The following ZDHHC11B variants were observed in gnomAD, a reference collection of about 807,000 sequenced individuals.
ZDHHC11B encodes zDHHC palmitoyltransferase 11B (putative).
In ZDHHC11B, 17 loss-of-function variants were observed where a neutral mutation model predicts 42.3. That is an observed-to-expected ratio of 0.40 (90% CI 0.27 to 0.60). The LOEUF (loss-of-function observed/expected upper bound fraction) is 0.60, where lower values mean the gene tolerates loss of function less well. Among genes scored for constraint, ZDHHC11B ranks in the 20% least tolerant of loss-of-function variants. The pLI is 0.41. For synonymous variants in ZDHHC11B, 123 were observed against 193.5 expected (o/e 0.64, Z 3.02); for missense variants, 262 against 463.2 (o/e 0.57, Z 3.99).
chr5:774,849 GAT>G (rs777579626), intron 1 of ZDHHC11B, among the ~76,000 whole-genome samples: 20 of 152,018 alleles, frequency 1.3e-4, no homozygotes, highest in Middle Eastern at 3.4e-3. Flanking sequence ...CTGTTTTAAA[GAT>G]AGCAGCAGCC....
intron 7 of ZDHHC11B, among the ~76,000 whole-genome samples, chr5:749,533 C>T (rs1484585513): frequency 7.7e-6 from 1 of 129,940 alleles, no homozygotes; most frequent in Non-Finnish European, 1.7e-5. Flanking sequence ...TGCTGCCCCC[C>T]TTAGCCAGTG....
chr5:773,341 G>A (rs1259769053), intron 1 of ZDHHC11B, among the ~76,000 whole-genome samples: 1 of 151,822 alleles, frequency 6.6e-6, no homozygotes, highest in Non-Finnish European at 1.5e-5. Context: ...TCCCCCAGAG[G>A]CTCTGCTCTT....
intron 4 of ZDHHC11B, among the ~76,000 whole-genome samples, chr5:761,475 G>A (rs1734601829): frequency 6.6e-6 from 1 of 151,864 alleles, no homozygotes; most frequent in Non-Finnish European, 1.5e-5. Flanking sequence ...CAGAAGCTGG[G>A]CCAATGGCAG....
chr5:750,098 G>A (rs1745407048), intron 7 of ZDHHC11B, among the ~76,000 whole-genome samples: 2 of 106,574 alleles, frequency 1.9e-5, no homozygotes, highest in Non-Finnish European at 4.1e-5. Flanking sequence ...CACCACCCGG[G>A]CTGTGTGCAG....
At chr5:719,212 TAG>T (rs1352096865) in intron 12 of ZDHHC11B, among the ~76,000 whole-genome samples, 1 of 151,710 alleles carries the variant, frequency 6.6e-6, no homozygotes, top group East Asian at 1.9e-4. Context: ...ACTTGATTTT[TAG>T]AGATACCACA....
At chr5:756,381 C>T (rs1481773671) in intron 4 of ZDHHC11B, among the ~76,000 whole-genome samples, 20 of 151,454 alleles carry the variant, frequency 1.3e-4, no homozygotes, top group African/African-American at 4.4e-4. Context: ...CACCCAGCCC[C>T]GTCCACTCGG....
chr5:711,502 TACTGTGCTCATATTTCCCAG>T lies in ZDHHC11B; in HGVS notation c.*768_*787del. The T allele has an allele frequency of 6.9e-6, 1 of 145,652 alleles. No individual in the cohort carries two copies. The highest frequency in any genetic ancestry group is 1.5e-5 in the Non-Finnish European group (1 of 67,820). The allele number at this position is 145,652 out of a possible 1,614,324, so 9.0% of individuals were successfully genotyped here. On this transcript the variant is annotated 3_prime_UTR_variant, in exon 14 of 14. Transcript: ENST00000508859. Reference sequence around the variant, plus strand: ...AGTGCCATGTGCTTCCATTTCCCAGTACTGTGCTCATATTTCCCAGTACTGTGCTCCCATTTCCCAAAACT... The same window carrying T: ...AGTGCCATGTGCTTCCATTTCCCAGTTACTGTGCTCCCATTTCCCAAAACT...
intron 10 of ZDHHC11B, among the ~76,000 whole-genome samples, chr5:734,120 T>C (rs1743325190): frequency 7.1e-6 from 1 of 141,710 alleles, no homozygotes; most frequent in Non-Finnish European, 1.5e-5. Context: ...CCTACACCAG[T>C]GCCTAAGACG....
chr5:757,867 G>A (rs1279943099), intron 4 of ZDHHC11B, among the ~76,000 whole-genome samples: 2 of 151,860 alleles, frequency 1.3e-5, no homozygotes, highest in East Asian at 3.8e-4. Context: ...GGCCAGCCAG[G>A]CCCTGGGGGA....
intron 12 of ZDHHC11B, among the ~76,000 whole-genome samples, chr5:721,994 G>A (rs1266830869): frequency 2.0e-5 from 3 of 151,706 alleles, no homozygotes; most frequent in Non-Finnish European, 4.4e-5. Context: ...AATGAATGGA[G>A]CTGGAAACAA....
intron 10 of ZDHHC11B, among the ~76,000 whole-genome samples, chr5:736,457 T>G (rs1186866434): frequency 6.7e-6 from 1 of 149,624 alleles, no homozygotes; most frequent in Non-Finnish European, 1.5e-5. Flanking sequence ...AACTATATCC[T>G]AGAACAAAAG....
intron 11 of ZDHHC11B, chr5:731,844 A>G (rs1743039950): frequency 6.6e-6 from 1 of 151,918 alleles, no homozygotes; most frequent in Non-Finnish European, 1.5e-5. Context: ...GAGGTCTCTG[A>G]TGGATTGTGC....
chr5:754,755 C>A (rs1733577473), intron 6 of ZDHHC11B, among the ~76,000 whole-genome samples: 1 of 98,610 alleles, frequency 1.0e-5, no homozygotes, highest in Non-Finnish European at 2.2e-5. Flanking sequence ...CGCAAGTGCC[C>A]CCGGGGGGCC....
At chr5:759,321 G>A (rs745712874) in intron 4 of ZDHHC11B, among the ~76,000 whole-genome samples, 10 of 151,912 alleles carry the variant, frequency 6.6e-5, no homozygotes, top group Non-Finnish European at 1.3e-4. Context: ...GGAAAAGAGA[G>A]GAGGTGGAGA....
At chr5:783,551 A>G (rs1300803133) in intron 1 of ZDHHC11B, among the ~76,000 whole-genome samples, 1 of 152,256 alleles carries the variant, frequency 6.6e-6, no homozygotes, top group Admixed American at 6.5e-5. Context: ...TGCACGCAGA[A>G]GAGCCAATAA....
Position 711,360 on chromosome 5 carries a change from C to A in ZDHHC11B, c.*930G>T, listed in dbSNP as rs1268126919. 2.0e-5 allele frequency: 3 copies of A among 153,806 alleles called. No homozygotes were observed. Among genetic ancestry groups the A allele is most frequent in the African/African-American group, 7.6e-5 (3 of 39,712 alleles). 9.5% of individuals were successfully genotyped at this position (153,806 alleles called of 1,614,324 possible). On this transcript the variant is annotated 3_prime_UTR_variant, in exon 14 of 14. Coordinates refer to ENST00000508859, the MANE Select transcript of ZDHHC11B (RefSeq NM_001351303.2). ...CTCCCATTTCCCAGTACTATGTTCC[C>A]ATTTCCCAGTGCTGTGAGCTCCCAT...
intron 13 of ZDHHC11B, among the ~76,000 whole-genome samples, chr5:712,611 T>A (rs1227047540): frequency 8.2e-5 from 12 of 146,228 alleles, no homozygotes; most frequent in African/African-American, 2.5e-4. Flanking sequence ...CTAGATATTT[T>A]AAAAAATATT....
chr5:724,507 C>T (rs1742422891), intron 12 of ZDHHC11B, among the ~76,000 whole-genome samples: 1 of 144,650 alleles, frequency 6.9e-6, no homozygotes, highest in South Asian at 2.3e-4. Context: ...TCCCGAGTAG[C>T]TGGGAGTACA....
At chr5:775,195 G>A (rs1276743585) in intron 1 of ZDHHC11B, among the ~76,000 whole-genome samples, 1 of 151,954 alleles carries the variant, frequency 6.6e-6, no homozygotes, top group Non-Finnish European at 1.5e-5. Context: ...TGCTGGGCTG[G>A]ACCAGGCCAG....
Sources: gnomAD v4.1 joint callset for allele counts (sites outside exome capture counted in the v4.1 genomes callset) on GRCh38, gnomAD v4.1.1 for gene constraint, MANE v1.5 for transcripts, NCBI Gene and HGNC (gene_info 2026-07-23, HGNC 2026-07-21) for gene names.